LMX1A: variants seen among roughly 807,000 people sequenced by gnomAD.
LMX1A encodes LIM homeobox transcription factor 1-alpha.
Under a neutral mutation model 49.1 loss-of-function variants are expected in LMX1A, and 15 were observed. The observed-to-expected ratio is 0.31, with a 90% CI of 0.20 to 0.47. LMX1A has a LOEUF of 0.47. LMX1A is among the 20% of genes least tolerant of loss of function. LMX1A has a pLI of 1.00. For synonymous variants in LMX1A, 167 were observed against 185.7 expected, an observed-to-expected ratio of 0.90 and a Z score of 0.82; for missense variants, 372 against 475.8, an observed-to-expected ratio of 0.78 and a Z score of 2.03.
At chr1:165,214,877 T>C (rs1203099762) in intron 4 of LMX1A, among the ~76,000 whole-genome samples, 1 of 152,222 alleles carries the variant, frequency 6.6e-6, no homozygotes, top group Non-Finnish European at 1.5e-5. Context: ...GAGGGTTAAC[T>C]CTGAAAGGAA....
intron 4 of LMX1A, among the ~76,000 whole-genome samples, chr1:165,219,469 G>C (rs1182113821): frequency 6.6e-6 from 1 of 152,078 alleles, no homozygotes; most frequent in Non-Finnish European, 1.5e-5. Context: ...AAGAAAGAAG[G>C]GAGGAATTTA....
intron 4 of LMX1A, among the ~76,000 whole-genome samples, chr1:165,214,146 G>A (rs76565548): frequency 0.029 from 4,340 of 152,236 alleles, 94 homozygotes; most frequent in Non-Finnish European, 0.045. Flanking sequence ...GTTGATGGAG[G>A]GACATGGTGG....
At chr1:165,341,757 A>G (rs1571232949) in intron 3 of LMX1A, among the ~76,000 whole-genome samples, 1 of 152,268 alleles carries the variant, frequency 6.6e-6, no homozygotes. Context: ...TGCTTAATTT[A>G]CATGTCTAAA....
At chr1:165,287,390 C>T (rs536075832) in intron 3 of LMX1A, among the ~76,000 whole-genome samples, 1 of 152,344 alleles carries the variant, frequency 6.6e-6, no homozygotes, top group South Asian at 2.1e-4. Context: ...GACTACACCT[C>T]TCCTAAAAGA....
intron 4 of LMX1A, among the ~76,000 whole-genome samples, chr1:165,228,127 T>G (rs1000095812): frequency 2.8e-4 from 43 of 152,180 alleles, no homozygotes; most frequent in African/African-American, 9.2e-4. Context: ...CTAAATAAAA[T>G]TTAAACAGTG....
At chr1:165,312,946 A>G (rs1007175273) in intron 3 of LMX1A, among the ~76,000 whole-genome samples, 1 of 152,248 alleles carries the variant, frequency 6.6e-6, no homozygotes, top group African/African-American at 2.4e-5. Flanking sequence ...ATGGAACCAA[A>G]TATAAAGGAA....
chr1:165,298,553 C>T (rs1279598586), intron 3 of LMX1A, among the ~76,000 whole-genome samples: 1 of 152,154 alleles, frequency 6.6e-6, no homozygotes, highest in African/African-American at 2.4e-5. Flanking sequence ...TGGATTTTGG[C>T]GGCTAACCCC....
chr1:165,307,373 G>T (rs774599842), intron 3 of LMX1A, among the ~76,000 whole-genome samples: 11 of 152,184 alleles, frequency 7.2e-5, no homozygotes, highest in Non-Finnish European at 1.3e-4. Flanking sequence ...AGAAAACATG[G>T]TTGATGACAT....
At chr1:165,325,144 A>G (rs1278520101) in intron 3 of LMX1A, among the ~76,000 whole-genome samples, 2 of 152,156 alleles carry the variant, frequency 1.3e-5, no homozygotes, top group African/African-American at 2.4e-5. Flanking sequence ...TAGATTCTTA[A>G]TCACAACATC....
At chr1:165,308,694 A>G (rs1484373041) in intron 3 of LMX1A, among the ~76,000 whole-genome samples, 1 of 152,158 alleles carries the variant, frequency 6.6e-6, no homozygotes, top group African/African-American at 2.4e-5. Context: ...GGTCCCCTGG[A>G]CTTGTGGCTT....
At chr1:165,352,383 G>T (rs775219937) in intron 3 of LMX1A, among the ~76,000 whole-genome samples, 11 of 152,202 alleles carry the variant, frequency 7.2e-5, no homozygotes, top group Admixed American at 3.9e-4. Flanking sequence ...GGCGGCACAG[G>T]TTGAAGGAGA....
chr1:165,221,385 C>A (rs990380678), intron 4 of LMX1A, among the ~76,000 whole-genome samples: 2 of 152,142 alleles, frequency 1.3e-5, no homozygotes, highest in South Asian at 2.1e-4. Context: ...CAGACCCTCC[C>A]GTCTCCCCCC....
At chr1:165,328,455 C>T (rs1655648921) in intron 3 of LMX1A, among the ~76,000 whole-genome samples, 1 of 152,160 alleles carries the variant, frequency 6.6e-6, no homozygotes, top group African/African-American at 2.4e-5. Context: ...TGCAGCACTC[C>T]CACCTACCTG....
chr1:165,304,903 C>G (rs1654879778), intron 3 of LMX1A, among the ~76,000 whole-genome samples: 1 of 152,240 alleles, frequency 6.6e-6, no homozygotes, highest in African/African-American at 2.4e-5. Context: ...TTCCAGACAC[C>G]TGTCATGCAC....
intron 3 of LMX1A, among the ~76,000 whole-genome samples, chr1:165,253,427 G>C (rs1191962193): frequency 1.3e-5 from 2 of 152,186 alleles, no homozygotes; most frequent in East Asian, 3.9e-4. Flanking sequence ...CAAGAGTTTT[G>C]AGGGTGGAAT....
chr1:165,204,349 A>C (rs768846477), intron 8 of LMX1A, among the ~76,000 whole-genome samples: 3 of 152,220 alleles, frequency 2.0e-5, no homozygotes, highest in Admixed American at 6.5e-5. Flanking sequence ...GAGCTCCTAT[A>C]GGACTTGGGC....
chr1:165,292,087 A>T (rs1042343685), intron 3 of LMX1A, among the ~76,000 whole-genome samples: 5 of 143,224 alleles, frequency 3.5e-5, no homozygotes, highest in Non-Finnish European at 4.6e-5. Flanking sequence ...AAAAAAAAAC[A>T]ATATGCTATA....
At chr1:165,247,137 A>G (rs1652888033) in intron 4 of LMX1A, among the ~76,000 whole-genome samples, 1 of 128,728 alleles carries the variant, frequency 7.8e-6, no homozygotes, top group Non-Finnish European at 1.5e-5. Flanking sequence ...TTTCTAGTGA[A>G]GTAAAATCTG....
chr1:165,242,798 CG>C (rs1186284157), intron 4 of LMX1A, among the ~76,000 whole-genome samples: 1 of 151,078 alleles, frequency 6.6e-6, no homozygotes, highest in African/African-American at 2.4e-5. Context: ...AACATTTAGG[CG>C]GGTGCCTATA....
Sources: gnomAD v4.1 joint callset for allele counts (sites outside exome capture counted in the v4.1 genomes callset) on GRCh38, gnomAD v4.1.1 for gene constraint, MANE v1.5 for transcripts, NCBI Gene and HGNC (gene_info 2026-07-23, HGNC 2026-07-21) for gene names.